COG6: variants seen among roughly 807,000 people sequenced by gnomAD.
COG6 encodes the protein conserved oligomeric Golgi complex subunit 6.
Under a neutral mutation model 88.8 loss-of-function variants are expected in COG6, and 74 were observed. That is an observed-to-expected ratio of 0.83 (90% CI 0.69 to 1.01). The LOEUF is 1.01. Among genes scored for constraint, COG6 ranks in the 50% least tolerant of loss-of-function variants. The pLI, the probability that COG6 is intolerant of heterozygous loss-of-function variation, is 0.00. For missense variants in COG6, 800 were observed against 797.9 expected (o/e 1.00, Z -0.03); for synonymous variants, 286 against 278.7 (o/e 1.03, Z -0.26).
At chr13:39,672,210 T>G (rs898132576) in intron 4 of COG6, among the ~76,000 whole-genome samples, 10 of 152,058 alleles carry the variant, frequency 6.6e-5, no homozygotes, top group Non-Finnish European at 1.0e-4. Flanking sequence ...AGCTGTATTT[T>G]GTACAGTTAT....
At chr13:39,746,869 T>G (rs1880378135) in intron 18 of COG6, among the ~76,000 whole-genome samples, 1 of 152,196 alleles carries the variant, frequency 6.6e-6, no homozygotes, top group Non-Finnish European at 1.5e-5. Flanking sequence ...TGATACGCTT[T>G]TATAAATCAT....
At position 39,689,804 on chromosome 13, in the gene COG6, GGT is replaced by G. The variant is rs767472237; in HGVS notation, c.1060_1061del (p.Cys354GlnfsTer8). ...AGAAGTTGTTGGGCATATCACTGAAGGTGTGTGCAGGCCTCTAAAGGTAAAAT... is the reference window on the plus strand; with the variant it reads ...AGAAGTTGTTGGGCATATCACTGAAGGTGTGCAGGCCTCTAAAGGTAAAAT... The part of the protein sequence containing the change: ...IQEVVGHITE[G>X]VCRPLKVRIE... On this transcript the variant is annotated frameshift_variant, in exon 11 of 19. Transcript: ENST00000455146. LOFTEE classifies it high-confidence loss of function. 6.2e-7 allele frequency: 1 copy of G among 1,609,644 alleles called. No homozygotes were observed. Among genetic ancestry groups the G allele is most frequent in the Non-Finnish European group, 8.5e-7 (1 of 1,176,984 alleles).
At chr13:39,764,710 C>T (rs1273241417) in intron 18 of COG6, among the ~76,000 whole-genome samples, 5 of 151,938 alleles carry the variant, frequency 3.3e-5, no homozygotes, top group Non-Finnish European at 5.9e-5. Flanking sequence ...AGCTTAATTC[C>T]GCTATAACCA....
At chr13:39,744,126 G>A (rs1369585987) in intron 18 of COG6, among the ~76,000 whole-genome samples, 2 of 152,082 alleles carry the variant, frequency 1.3e-5, no homozygotes, top group East Asian at 3.9e-4. Context: ...AGCTATTTAT[G>A]ACAAACCCAC....
chr13:39,748,028 A>G (rs1880432070), intron 18 of COG6, among the ~76,000 whole-genome samples: 1 of 152,190 alleles, frequency 6.6e-6, no homozygotes, highest in South Asian at 2.1e-4. Context: ...ACGATCAAAT[A>G]TATGCTGTAT....
At chr13:39,670,276 A>G (rs1166425824) in intron 4 of COG6, among the ~76,000 whole-genome samples, 2 of 152,104 alleles carry the variant, frequency 1.3e-5, no homozygotes, top group South Asian at 2.1e-4. Context: ...ATACCTTTGT[A>G]TTTTTAAAAT....
chr13:39,715,207 T>A (rs1012844564), intron 13 of COG6, among the ~76,000 whole-genome samples: 5 of 151,386 alleles, frequency 3.3e-5, no homozygotes, highest in Admixed American at 2.0e-4. Flanking sequence ...TGTTAAAATT[T>A]AAAAAAAAAT....
chr13:39,693,361 A>G (rs1226657355), intron 11 of COG6, among the ~76,000 whole-genome samples: 3 of 151,334 alleles, frequency 2.0e-5, no homozygotes, highest in Admixed American at 6.6e-5. Flanking sequence ...AACTAAGAAT[A>G]TTTTCTTGAT....
At chr13:39,685,752 G>C (rs1448054469) in intron 8 of COG6, among the ~76,000 whole-genome samples, 3 of 152,158 alleles carry the variant, frequency 2.0e-5, no homozygotes, top group Non-Finnish European at 4.4e-5. Context: ...AATAATTTAA[G>C]AGCATGAGGG....
In COG6 at chr13:39,727,263, C is replaced by T. The variant is rs968455414; in HGVS notation, c.1747-206C>T. On this transcript the variant is annotated intron_variant, in intron 17 of 18. Coordinates refer to ENST00000455146, the MANE Select transcript of COG6 (RefSeq NM_020751.3). Reference sequence around the variant, plus strand: ...TTCAGGATTTTGAAAGTAAGTATTGCTAATATTGACTATATTACAGATTTG... The same window carrying T: ...TTCAGGATTTTGAAAGTAAGTATTGTTAATATTGACTATATTACAGATTTG... 5.9e-5 allele frequency among the ~76,000 whole-genome samples: 9 copies of T among 151,932 alleles called. No individual in the cohort carries two copies. In the East Asian group the frequency reaches 1.7e-3, roughly 29 times the overall value.
intron 18 of COG6, among the ~76,000 whole-genome samples, chr13:39,773,216 G>A (rs1239514440): frequency 6.6e-6 from 1 of 152,196 alleles, no homozygotes; most frequent in Non-Finnish European, 1.5e-5. Flanking sequence ...ACTTCCAAGG[G>A]TGCAGGTCAT....
chr13:39,786,538 G>C (rs1183922607), intron 18 of COG6, among the ~76,000 whole-genome samples: 1 of 152,172 alleles, frequency 6.6e-6, no homozygotes, highest in African/African-American at 2.4e-5. Flanking sequence ...CCCCAGTAGG[G>C]TAAGTGATAT....
Position 39,743,154 on chromosome 13 carries a change from A to G in COG6, c.1827-7792A>G, listed in dbSNP as rs1880140298. Among the ~76,000 whole-genome samples, 3 of 152,358 alleles carry G rather than the reference A, an allele frequency of 2.0e-5. No individual in the cohort carries two copies. In the South Asian group the frequency reaches 6.2e-4, roughly 32 times the overall value. ...TAAATGCCCAAAAGAGAAAGCAGGA[A>G]AGATCTAAAATCGACACCCTAACAT... is the stretch of plus-strand genomic sequence containing the variant. On this transcript the variant is annotated intron_variant, in intron 18 of 18. Coordinates refer to ENST00000455146, the MANE Select transcript of COG6 (RefSeq NM_020751.3).
intron 11 of COG6, among the ~76,000 whole-genome samples, chr13:39,690,623 T>C (rs772398438): frequency 2.6e-4 from 40 of 152,008 alleles, no homozygotes; most frequent in Non-Finnish European, 5.5e-4. Flanking sequence ...GTAATTAATT[T>C]TTCAAGAAAT....
intron 3 of COG6, among the ~76,000 whole-genome samples, chr13:39,664,744 T>C (rs1875137489): frequency 6.6e-6 from 1 of 152,228 alleles, no homozygotes; most frequent in South Asian, 2.1e-4. Context: ...AAAGGTTGCA[T>C]GGTATCTCAG....
At chr13:39,783,857 C>T (rs1363531109) in intron 18 of COG6, among the ~76,000 whole-genome samples, 6 of 152,150 alleles carry the variant, frequency 3.9e-5, no homozygotes. Flanking sequence ...CTTGAGTTTA[C>T]CGAGGGCATT....
intron 8 of COG6, among the ~76,000 whole-genome samples, chr13:39,687,295 A>G (rs1001980848): frequency 6.6e-6 from 1 of 151,864 alleles, no homozygotes; most frequent in Non-Finnish European, 1.5e-5. Context: ...GAGGGGTAAA[A>G]GTTTTTACTT....
intron 13 of COG6, among the ~76,000 whole-genome samples, chr13:39,705,333 G>C (rs1877832560): frequency 6.6e-6 from 1 of 152,048 alleles, no homozygotes; most frequent in African/African-American, 2.4e-5. Flanking sequence ...GGAAATTCAA[G>C]GACATAATTT....
intron 18 of COG6, among the ~76,000 whole-genome samples, chr13:39,767,527 G>A (rs1248611510): frequency 6.6e-6 from 1 of 152,176 alleles, no homozygotes; most frequent in Non-Finnish European, 1.5e-5. Context: ...GCAATGGCAG[G>A]AAACATTGTA....
Sources: allele counts gnomAD v4.1 joint callset (sites outside exome capture counted in the v4.1 genomes callset), GRCh38; gene constraint gnomAD v4.1.1; transcripts MANE v1.5; gene names NCBI Gene and HGNC (gene_info 2026-07-23, HGNC 2026-07-21).